Variants in ZNF681 observed in about 807,000 individuals in gnomAD.
ZNF681 encodes the protein hypothetical protein FLJ31526.
In ZNF681, 37 loss-of-function variants were observed where a neutral mutation model predicts 56.0. The ratio of observed to expected loss-of-function variants is 0.66; its 90% CI spans 0.51 to 0.87. The LOEUF (loss-of-function observed/expected upper bound fraction) is 0.87, where lower values mean the gene tolerates loss of function less well. Among genes scored for constraint, ZNF681 ranks in the 40% least tolerant of loss-of-function variants. The pLI, the probability that ZNF681 is intolerant of heterozygous loss-of-function variation, is 0.00. For missense variants in ZNF681, 741 were observed against 744.9 expected, an observed-to-expected ratio of 0.99 and a Z score of 0.06; for synonymous variants, 225 against 248.6, an observed-to-expected ratio of 0.91 and a Z score of 0.89.
chr19:23,755,594 C>CAG (rs1555714013), intron 1 of ZNF681, 43 bp from the exon 2 acceptor site: 1 of 910,908 alleles, frequency 1.1e-6, no homozygotes, highest in South Asian at 1.9e-5. Flanking sequence ...CACACACACA[C>CAG]ACACATACAC....
At chr19:23,749,391 A>G (rs1195899098) in intron 3 of ZNF681, among the ~76,000 whole-genome samples, 2 of 152,124 alleles carry the variant, frequency 1.3e-5, no homozygotes, top group Non-Finnish European at 2.9e-5. Context: ...TTAGATGTAA[A>G]ATTTTTAAAA....
At position 23,744,846 on chromosome 19, in the gene ZNF681, C is replaced by T. The variant is rs1382384499; in HGVS notation, c.704G>A (p.Cys235Tyr). Residue 235 changes from cysteine (C) to tyrosine (Y), a missense_variant, in exon 4 of 4, where the codon TGT becomes TAT. Physicochemically the swap from Cys to Tyr is radical, Grantham distance 194. Coordinates refer to ENST00000402377, the MANE Select transcript of ZNF681 (RefSeq NM_138286.3). ...SYICEECGKACNQFTNLTTHK... is the reference protein window; with the variant it reads ...SYICEECGKAYNQFTNLTTHK... ...TGTAGTAAGGTTTGTGAACTGGTTA[C>T]AGGCTTTGCCACATTCTTCACATAT... is the stretch of plus-strand genomic sequence containing the variant. The T allele has an allele frequency of 2.5e-6, 4 of 1,601,802 alleles. No homozygotes were observed. In the African/African-American group the frequency reaches 4.3e-5, roughly 17 times the overall value.
intron 3 of ZNF681, among the ~76,000 whole-genome samples, chr19:23,745,549 T>G (rs556520250): frequency 6.6e-6 from 1 of 150,928 alleles, no homozygotes; most frequent in East Asian, 2.0e-4. Flanking sequence ...ACCTCCCAGG[T>G]TCAAGCAACT....
chr19:23,757,959 A>G (rs558407390), intron 1 of ZNF681, among the ~76,000 whole-genome samples: 17 of 152,208 alleles, frequency 1.1e-4, no homozygotes, highest in Non-Finnish European at 2.2e-4. Flanking sequence ...ACACATTTAT[A>G]AAGGTTTTCT....
intron 3 of ZNF681, among the ~76,000 whole-genome samples, chr19:23,747,160 A>C (rs1356922431): frequency 6.6e-6 from 1 of 152,144 alleles, no homozygotes; most frequent in Non-Finnish European, 1.5e-5. Context: ...TGTACACTAA[A>C]TGTTTTCTGA....
chr19:23,758,004 C>T (rs1969149149), intron 1 of ZNF681, among the ~76,000 whole-genome samples: 1 of 151,998 alleles, frequency 6.6e-6, no homozygotes, highest in Admixed American at 6.6e-5. Context: ...TATGTATTAA[C>T]AAGGTAAAAG....
Position 23,744,862 on chromosome 19 carries a change from C to A in ZNF681, c.688G>T (p.Glu230Ter). 6.2e-7 allele frequency: 1 copy of A among 1,613,366 alleles called. No homozygotes were observed. The highest frequency in any genetic ancestry group is 8.5e-7 in the Non-Finnish European group (1 of 1,179,716). Residue 230 changes from glutamate to a stop codon, truncating the protein, a stop_gained, in exon 4 of 4, where the codon GAA becomes TAA. Coordinates refer to ENST00000402377, the MANE Select transcript of ZNF681 (RefSeq NM_138286.3). LOFTEE classifies it high-confidence loss of function. Reference sequence around the variant, plus strand: ...AACTGGTTACAGGCTTTGCCACATTCTTCACATATGTACGATTTCTCTCCA... The same window carrying A: ...AACTGGTTACAGGCTTTGCCACATTATTCACATATGTACGATTTCTCTCCA... ...HIGEKSYICEECGKACNQFTN... is the reference protein window; with the variant it reads ...HIGEKSYICE
At chr19:23,748,874 TTGA>T (rs1968984120) in intron 3 of ZNF681, among the ~76,000 whole-genome samples, 1 of 152,198 alleles carries the variant, frequency 6.6e-6, no homozygotes, top group African/African-American at 2.4e-5. Flanking sequence ...ATTAAATCTG[TTGA>T]TGATGAACTG....
chr19:23,751,742 G>T (rs1316090292), intron 3 of ZNF681, among the ~76,000 whole-genome samples: 2 of 151,772 alleles, frequency 1.3e-5, no homozygotes, highest in African/African-American at 4.8e-5. Context: ...CTGGAGTGCA[G>T]TGGCACAATC....
At position 23,755,431 on chromosome 19, in the gene ZNF681, A is replaced by G; in HGVS notation, c.124T>C (p.Phe42Leu). The G allele has an allele frequency of 6.2e-7, 1 of 1,610,806 alleles. No individual in the cohort carries two copies. Reference protein sequence around the residue: ...VMLENYRNLVFLGIVVSKPDL... With the variant: ...VMLENYRNLVLLGIVVSKPDL... ...ATATTGAAGTTATCCTCACCCAAGAAGACCAGGTTTCTGTAGTTCTCTAAC... is the reference window on the plus strand; with the variant it reads ...ATATTGAAGTTATCCTCACCCAAGAGGACCAGGTTTCTGTAGTTCTCTAAC... Residue 42 changes from phenylalanine (F) to leucine (L), a missense_variant, in exon 2 of 4, where the codon TTC becomes CTC. By Grantham distance (22) the Phe-to-Leu change is conservative. Coordinates refer to ENST00000402377, the MANE Select transcript of ZNF681 (RefSeq NM_138286.3).
intron 1 of ZNF681, among the ~76,000 whole-genome samples, chr19:23,755,997 T>C (rs1254541912): frequency 6.6e-6 from 1 of 152,080 alleles, no homozygotes; most frequent in African/African-American, 2.4e-5. Context: ...CATTTCTGAG[T>C]ATATACTCAC....
chr19:23,751,778 C>T (rs956780508), intron 3 of ZNF681, among the ~76,000 whole-genome samples: 3 of 152,114 alleles, frequency 2.0e-5, no homozygotes, highest in Admixed American at 6.5e-5. Context: ...CTCTGCCTCC[C>T]GGGTTTATAC....
At chr19:23,747,639 C>CAAAAAAAAAAAAAAAAAAAAAAAAAAA (rs57974422) in intron 3 of ZNF681, among the ~76,000 whole-genome samples, 1 of 96,824 alleles carries the variant, frequency 1.0e-5, no homozygotes, top group Non-Finnish European at 2.1e-5. Context: ...GACTCCGTCT[C>CAAAAAAAAAAAAAAAAAAAAAAAAAAA]AAAAAAAAAA....
At chr19:23,750,687 C>T (rs1377882720) in intron 3 of ZNF681, among the ~76,000 whole-genome samples, 1 of 150,798 alleles carries the variant, frequency 6.6e-6, no homozygotes, top group African/African-American at 2.4e-5. Context: ...ACTAAAAGTA[C>T]TAAAATTAGC....
intron 3 of ZNF681, among the ~76,000 whole-genome samples, chr19:23,752,652 T>A (rs1175953073): frequency 6.6e-6 from 1 of 152,154 alleles, no homozygotes. Context: ...CAACTAAAGG[T>A]GGACCCTAGT....
At chr19:23,758,685 G>A in intron 1 of ZNF681, 62 bp downstream of exon 1, 6 of 1,613,476 alleles carry the variant, frequency 3.7e-6, no homozygotes, top group Non-Finnish European at 5.1e-6. Context: ...TGACTGCGGC[G>A]AGGTCTGAGT....
At chr19:23,745,665 C>A (rs910822336) in intron 3 of ZNF681, among the ~76,000 whole-genome samples, 2 of 151,950 alleles carry the variant, frequency 1.3e-5, no homozygotes, top group African/African-American at 4.8e-5. Context: ...ATTGGCCAGG[C>A]TGGTCTCAAA....
At position 23,743,952 on chromosome 19, in the gene ZNF681, G is replaced by T. The variant is rs137967737; in HGVS notation, c.1598C>A (p.Pro533His). The change falls in exon 4 of 4, where the codon CCC becomes CAC. Residue 533 changes from proline (P) to histidine (H), a missense_variant. By Grantham distance (77) the Pro-to-His change is moderately conservative. Coordinates refer to ENST00000402377, the MANE Select transcript of ZNF681 (RefSeq NM_138286.3). ...TTTGCCACATTCTTCACATGTGTAG[G>T]GTTTCTCTCCAGTATGAATTTTCTT... is the stretch of plus-strand genomic sequence containing the variant. ...EHKKIHTGEK[P>H]YTCEECGKAF... The T allele has an allele frequency of 9.9e-6, 16 of 1,612,526 alleles. No homozygotes were observed. Among genetic ancestry groups the T allele is most frequent in the Non-Finnish European group, 1.4e-5 (16 of 1,179,788 alleles).
intron 3 of ZNF681, among the ~76,000 whole-genome samples, chr19:23,753,154 T>C (rs1969058186): frequency 6.6e-6 from 1 of 152,286 alleles, no homozygotes; most frequent in African/African-American, 2.4e-5. Flanking sequence ...ATCCCAGCAC[T>C]TTGGGAGGCT....
Sources: gnomAD v4.1 joint callset for allele counts (sites outside exome capture counted in the v4.1 genomes callset) on GRCh38, gnomAD v4.1.1 for gene constraint, MANE v1.5 for transcripts, NCBI Gene and HGNC (gene_info 2026-07-23, HGNC 2026-07-21) for gene names.